PDGFC: variants seen among roughly 807,000 people sequenced by gnomAD.
PDGFC encodes platelet derived growth factor C, also known as platelet-derived growth factor C.
In PDGFC, 12 loss-of-function variants were observed where a neutral mutation model predicts 35.5. That is an observed-to-expected ratio of 0.34 (90% CI 0.22 to 0.55). The LOEUF (loss-of-function observed/expected upper bound fraction) is 0.55. PDGFC is among the 20% of genes least tolerant of loss of function. The pLI is 0.91. For synonymous variants in PDGFC, 159 were observed against 148.8 expected, an observed-to-expected ratio of 1.07 and a Z score of -0.50; for missense variants, 322 against 412.4, an observed-to-expected ratio of 0.78 and a Z score of 1.90.
rs1048493994 is a variant in PDGFC, at chr4:156,803,040, A to C, written c.495+7797T>G. Among the ~76,000 whole-genome samples the C allele has an allele frequency of 4.6e-5, 7 of 152,306 alleles. No individual in the cohort carries two copies. In the East Asian group the frequency reaches 1.4e-3, roughly 29 times the overall value. ...AGAGGATCTAATGCAAGAAAACGTCAAAAGGAATACTCAGGATGATGGCAG... is the reference window on the plus strand; with the variant it reads ...AGAGGATCTAATGCAAGAAAACGTCCAAAGGAATACTCAGGATGATGGCAG... On this transcript the variant is annotated intron_variant, in intron 3 of 5. Transcript: ENST00000502773.
intron 1 of PDGFC, among the ~76,000 whole-genome samples, chr4:156,903,256 T>G (rs1212007809): frequency 3.3e-5 from 5 of 151,956 alleles, no homozygotes; most frequent in Non-Finnish European, 5.9e-5. Context: ...TGAAAATAAT[T>G]TATAGAACAA....
At chr4:156,791,103 C>T (rs868038668) in intron 3 of PDGFC, among the ~76,000 whole-genome samples, 5 of 152,148 alleles carry the variant, frequency 3.3e-5, no homozygotes, top group Non-Finnish European at 7.3e-5. Context: ...CAAAGCCTGG[C>T]ATTTTCCCAG....
At chr4:156,959,083 C>T (rs1344906704) in intron 1 of PDGFC, among the ~76,000 whole-genome samples, 2 of 151,984 alleles carry the variant, frequency 1.3e-5, no homozygotes, top group Non-Finnish European at 2.9e-5. Context: ...ATCTTATTTT[C>T]CTTGAAAAGA....
intron 1 of PDGFC, among the ~76,000 whole-genome samples, chr4:156,875,666 C>A (rs763153131): frequency 7.2e-5 from 11 of 152,098 alleles, no homozygotes; most frequent in Non-Finnish European, 1.5e-4. Flanking sequence ...GCCTGTAATC[C>A]CAGCACTTTG....
chr4:156,890,343 G>A (rs1346728821), intron 1 of PDGFC, among the ~76,000 whole-genome samples: 2 of 152,076 alleles, frequency 1.3e-5, no homozygotes, highest in Admixed American at 1.3e-4. Context: ...GTCTGAAAAT[G>A]AGGATCCGCC....
At chr4:156,804,589 T>G (rs968980838) in intron 3 of PDGFC, among the ~76,000 whole-genome samples, 1 of 151,920 alleles carries the variant, frequency 6.6e-6, no homozygotes, top group African/African-American at 2.4e-5. Flanking sequence ...CATACTGCAT[T>G]TTTATAGGTA....
intron 1 of PDGFC, among the ~76,000 whole-genome samples, chr4:156,944,165 T>C (rs1731880964): frequency 6.6e-6 from 1 of 152,138 alleles, no homozygotes; most frequent in East Asian, 1.9e-4. Context: ...CCTTGGCTTG[T>C]GGCTTAAATT....
At chr4:156,840,726 C>T (rs1426981772) in intron 2 of PDGFC, among the ~76,000 whole-genome samples, 2 of 152,138 alleles carry the variant, frequency 1.3e-5, no homozygotes, top group South Asian at 2.1e-4. Flanking sequence ...GGGGCTGTAC[C>T]CTGCAAAGCC....
intron 1 of PDGFC, among the ~76,000 whole-genome samples, chr4:156,937,231 T>A (rs781153802): frequency 1.3e-5 from 2 of 152,146 alleles, no homozygotes; most frequent in African/African-American, 4.8e-5. Flanking sequence ...CTTGGAAACA[T>A]CATCATTTAA....
intron 1 of PDGFC, among the ~76,000 whole-genome samples, chr4:156,954,120 G>A (rs1038297359): frequency 4.6e-5 from 7 of 151,890 alleles, no homozygotes; most frequent in African/African-American, 1.7e-4. Context: ...AATAGCAGAG[G>A]GTTATGGTTT....
At chr4:156,783,196 T>G (rs866819779) in intron 3 of PDGFC, among the ~76,000 whole-genome samples, 1 of 152,040 alleles carries the variant, frequency 6.6e-6, no homozygotes, top group African/African-American at 2.4e-5. Flanking sequence ...AGCATTGCTA[T>G]TAGGGGGAGA....
intron 1 of PDGFC, among the ~76,000 whole-genome samples, chr4:156,887,639 A>C (rs1730405936): frequency 6.6e-6 from 1 of 152,236 alleles, no homozygotes. Flanking sequence ...AGGAAAAAAT[A>C]GAAAATTGAA....
chr4:156,931,186 T>C (rs1434333365), intron 1 of PDGFC, among the ~76,000 whole-genome samples: 2 of 152,202 alleles, frequency 1.3e-5, no homozygotes, highest in Non-Finnish European at 2.9e-5. Flanking sequence ...TTGAAACTGA[T>C]AAACATGAAT....
chr4:156,892,984 T>C (rs1326328012), intron 1 of PDGFC, among the ~76,000 whole-genome samples: 1 of 152,168 alleles, frequency 6.6e-6, no homozygotes, highest in African/African-American at 2.4e-5. Context: ...AGGTCCTCAC[T>C]ATCCACCCCT....
At chr4:156,940,800 G>T (rs142254592) in intron 1 of PDGFC, among the ~76,000 whole-genome samples, 10 of 152,206 alleles carry the variant, frequency 6.6e-5, no homozygotes, top group African/African-American at 2.4e-4. Flanking sequence ...ACTGAATGCA[G>T]AGACAGATAT....
chr4:156,828,260 C>T (rs112769751), intron 2 of PDGFC, among the ~76,000 whole-genome samples: 253 of 152,260 alleles, frequency 1.7e-3, no homozygotes, highest in African/African-American at 5.7e-3. Flanking sequence ...CCGTTTAGAA[C>T]ACAAAAGCAC....
intron 2 of PDGFC, among the ~76,000 whole-genome samples, chr4:156,834,005 T>A (rs1242599592): frequency 6.6e-6 from 1 of 152,178 alleles, no homozygotes; most frequent in African/African-American, 2.4e-5. Flanking sequence ...GCAGTGCAAA[T>A]GGCCTGAAAC....
At chr4:156,763,699 A>G (rs1730445915) in intron 5 of PDGFC, among the ~76,000 whole-genome samples, 1 of 152,180 alleles carries the variant, frequency 6.6e-6, no homozygotes, top group Non-Finnish European at 1.5e-5. Flanking sequence ...CAATTATGCC[A>G]CTCATTAATT....
chr4:156,837,126 A>C (rs1729081588), intron 2 of PDGFC, among the ~76,000 whole-genome samples: 1 of 152,252 alleles, frequency 6.6e-6, no homozygotes, highest in Non-Finnish European at 1.5e-5. Context: ...ATATCTAAAC[A>C]AAACATTGAT....
Sources: gnomAD v4.1 joint callset for allele counts (sites outside exome capture counted in the v4.1 genomes callset) on GRCh38, gnomAD v4.1.1 for gene constraint, MANE v1.5 for transcripts, NCBI Gene and HGNC (gene_info 2026-07-23, HGNC 2026-07-21) for gene names.